Variants in ATP11A observed in about 807,000 individuals in gnomAD.
ATP11A encodes the protein ATPase phospholipid transporting 11A, also known as phospholipid-transporting ATPase IH.
In ATP11A, 81 loss-of-function variants were observed where a neutral mutation model predicts 154.4. The ratio of observed to expected loss-of-function variants is 0.52; its 90% CI spans 0.44 to 0.63. The LOEUF (loss-of-function observed/expected upper bound fraction) is 0.63, where lower values mean the gene tolerates loss of function less well. Among genes scored for constraint, ATP11A ranks in the 30% least tolerant of loss-of-function variants. ATP11A has a pLI of 0.00. For synonymous variants in ATP11A, 623 were observed against 585.9 expected, an observed-to-expected ratio of 1.06 and a Z score of -0.91; for missense variants, 1,316 against 1,474.3, an observed-to-expected ratio of 0.89 and a Z score of 1.76.
intron 12 of ATP11A, 152 bp downstream of exon 12, chr13:112,827,043 ACAGT>A (rs1228429396): frequency 2.7e-6 from 2 of 741,304 alleles, no homozygotes; most frequent in East Asian, 2.7e-5. Context: ...TATTTATGAA[ACAGT>A]CAGCCGTGCT....
rs1892181158 is a variant in ATP11A, at chr13:112,746,567, A to ACAGCACCTCGCTCTCTTACCCAGG, written c.40-38566_40-38543dup. The stretch of plus-strand genomic sequence containing the variant: ...GGGGTTTTGTTGTTGTTTTTTAGAG[A>ACAGCACCTCGCTCTCTTACCCAGG]CAGCACCTCGCTCTCTTACCCAGGC... On this transcript the variant is annotated intron_variant, in intron 1 of 29. Coordinates refer to ENST00000375645, the MANE Select transcript of ATP11A (RefSeq NM_015205.3). The surrounding 1 kb of genome is among the most constrained non-coding windows in gnomAD (Gnocchi z 4.1). The ACAGCACCTCGCTCTCTTACCCAGG allele has an allele frequency of 6.6e-6, 1 of 151,988 alleles. No homozygotes were observed. The highest frequency in any genetic ancestry group is 1.5e-5 in the Non-Finnish European group (1 of 68,054). The allele number at this position is 151,988 out of a possible 1,614,324, so 9.4% of individuals were successfully genotyped here.
intron 1 of ATP11A, among the ~76,000 whole-genome samples, chr13:112,781,048 T>C (rs1566471767): frequency 6.6e-6 from 1 of 150,918 alleles, no homozygotes; most frequent in Non-Finnish European, 1.5e-5. Context: ...TGTTTGTTTG[T>C]TCGTTTGTTT....
rs567305621 is a variant in ATP11A at position 112,854,442 on chromosome 13, G to A, written c.2155G>A (p.Glu719Lys). ...QLLELTTKRI[E>K]EQSLHDVLFE... ...GCTGGAGCTGACCACCAAGAGGATC[G>A]AGGAGCAGAGCCTGCACGACGTCCT... The change falls in exon 19 of 30, where the codon GAG becomes AAG. Residue 719 changes from glutamate to lysine, a missense_variant. Glu to Lys is a moderately conservative substitution (Grantham distance 56). Transcript: ENST00000375645. 16 of 1,612,968 alleles carry A rather than the reference G, an allele frequency of 9.9e-6. No homozygotes were observed. Among genetic ancestry groups the A allele is most frequent in the South Asian group, 3.3e-5 (3 of 91,070 alleles).
chr13:112,854,597 C>T, intron 19 of ATP11A, 67 bp downstream of exon 19: 2 of 1,533,040 alleles, frequency 1.3e-6, no homozygotes, highest in Non-Finnish European at 1.8e-6. Context: ...CAGTGGCCTT[C>T]ACCTGCAAGT....
chr13:112,723,927 G>A (rs117417195), intron 1 of ATP11A, among the ~76,000 whole-genome samples: 5 of 152,198 alleles, frequency 3.3e-5, no homozygotes, highest in South Asian at 2.1e-4. Context: ...CGTGTCACAC[G>A]GGCTCGGGTG....
intron 17 of ATP11A, among the ~76,000 whole-genome samples, chr13:112,844,791 C>CA (rs879522189): frequency 0.25 from 36,189 of 145,582 alleles, 6,224 homozygotes; most frequent in East Asian, 0.33. Flanking sequence ...GTCCAGTTGC[C>CA]GGGTGTTAGT....
chr13:112,848,398 G>A (rs2079666209), intron 17 of ATP11A, among the ~76,000 whole-genome samples: 1 of 151,960 alleles, frequency 6.6e-6, no homozygotes, highest in East Asian at 1.9e-4. Context: ...AATGCCACTA[G>A]TTTTCGTGTG....
intron 1 of ATP11A, among the ~76,000 whole-genome samples, chr13:112,741,686 A>G (rs1022085234): frequency 6.6e-6 from 1 of 152,080 alleles, no homozygotes; most frequent in South Asian, 2.1e-4. Context: ...TGTTCCCGCC[A>G]AGCCACCTCT....
At chr13:112,816,752 T>C (rs2078658108) in intron 6 of ATP11A, among the ~76,000 whole-genome samples, 2 of 152,218 alleles carry the variant, frequency 1.3e-5, no homozygotes, top group Admixed American at 1.3e-4. Flanking sequence ...CACTTTTTCT[T>C]TCCAGTCTCA....
chr13:112,860,436 C>T (rs1315237401), intron 24 of ATP11A, 22 bp downstream of exon 24: 1 of 1,613,744 alleles, frequency 6.2e-7, no homozygotes, highest in African/African-American at 1.3e-5. Context: ...CAAACAGCCT[C>T]TCCTGAGAGC....
At chr13:112,718,472 G>A (rs1233417644) in intron 1 of ATP11A, among the ~76,000 whole-genome samples, 8 of 152,152 alleles carry the variant, frequency 5.3e-5, no homozygotes, top group Admixed American at 5.2e-4. Context: ...CAAGTTTCAT[G>A]TGAAATACCC....
chr13:112,743,026 A>G (rs1891719000), intron 1 of ATP11A, among the ~76,000 whole-genome samples: 1 of 152,174 alleles, frequency 6.6e-6, no homozygotes, highest in African/African-American at 2.4e-5. Flanking sequence ...GTATGACAGC[A>G]CATGTGCCAG....
chr13:112,878,228 G>C lies in ATP11A; in HGVS notation c.3339G>C (p.Gln1113His), dbSNP rs774002420. The C allele has an allele frequency of 3.7e-6, 6 of 1,614,226 alleles. No homozygotes were observed. The East Asian group carries it at 1.1e-4, about 30-fold the overall frequency. The change falls in exon 29 of 30, where the codon CAG (glutamine) becomes CAC (histidine). Residue 1113 changes from glutamine (Q) to histidine (H), a missense_variant. Transcript: ENST00000375645. Reference protein sequence around the residue: ...TATERVQTKSQCLSVEQSTIF... With the variant: ...TATERVQTKSHCLSVEQSTIF... ...ACCTCGGGACTAAGACTAAGAGCCAGTGCCTTTCTGTCGAGCAGTCAACCA... is the reference window on the plus strand; with the variant it reads ...ACCTCGGGACTAAGACTAAGAGCCACTGCCTTTCTGTCGAGCAGTCAACCA...
chr13:112,702,286 C>T (rs948918364), intron 1 of ATP11A, among the ~76,000 whole-genome samples: 4 of 144,818 alleles, frequency 2.8e-5, no homozygotes, highest in African/African-American at 1.0e-4. Flanking sequence ...GCAGAGGTTG[C>T]AGTGAGCCGA....
intron 16 of ATP11A, 94 bp from the exon 17 acceptor site, chr13:112,842,182 C>T (rs960691841): frequency 1.0e-6 from 1 of 977,626 alleles, no homozygotes; most frequent in Non-Finnish European, 1.6e-6. Flanking sequence ...CACTGCTATC[C>T]CTGTTTTTTG....
intron 1 of ATP11A, among the ~76,000 whole-genome samples, chr13:112,733,280 T>G (rs376530959): frequency 6.6e-6 from 1 of 152,062 alleles, no homozygotes; most frequent in Admixed American, 6.5e-5. Context: ...AGATGAGCAG[T>G]GGGTGGAGGA....
chr13:112,695,328 G>T (rs282583), intron 1 of ATP11A, among the ~76,000 whole-genome samples: 124,070 of 152,208 alleles, frequency 0.82, 51,317 homozygotes, highest in East Asian at 0.95. Context: ...TGTTCATAAT[G>T]AACAAATGTT....
intron 18 of ATP11A, chr13:112,851,929 G>A (rs1474999603): frequency 6.6e-6 from 1 of 152,116 alleles, no homozygotes; most frequent in South Asian, 2.1e-4. Context: ...TACTCAATGT[G>A]TTTATCATTA....
At position 112,854,499 on chromosome 13, in the gene ATP11A, A is replaced by G; in HGVS notation, c.2212A>G (p.Ser738Gly). 1 of 1,611,302 alleles carries G rather than the reference A, an allele frequency of 6.2e-7. No homozygotes were observed. The highest frequency in any genetic ancestry group is 8.5e-7 in the Non-Finnish European group (1 of 1,179,988). ...GCTGAGCAAGACGGTCCTGCGCCAC[A>G]GCGGGAGCCTGACCAGAGACAACCT... ...FELSKTVLRH[S>G]GSLTRDNLSG... The change falls in exon 19 of 30, where the codon AGC (serine) becomes GGC (glycine). Residue 738 changes from serine to glycine, a missense_variant. By Grantham distance (56) the Ser-to-Gly change is moderately conservative (BLOSUM62 0). Coordinates refer to ENST00000375645, the MANE Select transcript of ATP11A (RefSeq NM_015205.3).
Sources: allele counts gnomAD v4.1 joint callset (sites outside exome capture counted in the v4.1 genomes callset), GRCh38; gene constraint gnomAD v4.1.1; non-coding constraint Gnocchi (gnomAD v3.1); transcripts MANE v1.5; gene names NCBI Gene and HGNC (gene_info 2026-07-23, HGNC 2026-07-21).